Variants in CDYL2 observed in about 807,000 individuals in gnomAD.
CDYL2 encodes chromodomain Y like 2.
In CDYL2, 23 loss-of-function variants were observed where a neutral mutation model predicts 49.4. The observed-to-expected ratio is 0.47, with a 90% CI of 0.34 to 0.66. CDYL2 has a LOEUF of 0.66. Ranked by LOEUF, CDYL2 falls within the 30% of genes least tolerant of loss-of-function variation. The pLI is 0.01. For synonymous variants in CDYL2, 360 were observed against 268.8 expected (o/e 1.34, Z -3.32); for missense variants, 678 against 656.4 (o/e 1.03, Z -0.36).
chr16:80,608,564 C>T (rs1357601500), intron 5 of CDYL2, among the ~76,000 whole-genome samples: 3 of 152,084 alleles, frequency 2.0e-5, no homozygotes, highest in South Asian at 2.1e-4. Flanking sequence ...ATGACCCAGC[C>T]GTGATGACAT....
At chr16:80,619,658 G>A (rs1187541545) in intron 4 of CDYL2, among the ~76,000 whole-genome samples, 1 of 152,206 alleles carries the variant, frequency 6.6e-6, no homozygotes, top group Non-Finnish European at 1.5e-5. Context: ...TGTGGGCACA[G>A]CCAGGAAGCC....
In CDYL2 at chr16:80,633,075, A is replaced by C. The variant is rs757984517; in HGVS notation, c.778T>G (p.Phe260Val). 1.2e-5 allele frequency: 20 copies of C among 1,613,882 alleles called. No individual in the cohort carries two copies. Among genetic ancestry groups the C allele is most frequent in the Non-Finnish European group, 1.7e-5 (20 of 1,179,998 alleles). Residue 260 changes from phenylalanine to valine, a missense_variant, in exon 3 of 7, where the codon TTC (phenylalanine) becomes GTC (valine). By Grantham distance (50) the Phe-to-Val change is conservative. Around this residue, in one of 3 missense-constraint regions of CDYL2, gnomAD observed 478 missense variants for 427.0 expected, o/e 1.12. Transcript: ENST00000570137. ...RDIVVRKEEG[F>V]THILLSSQTS... Reference sequence around the variant, plus strand: ...TGACTGGACAGCAGGATGTGCGTGAACCCTTCTTCCTTCCGCACAACGATG... The same window carrying C: ...TGACTGGACAGCAGGATGTGCGTGACCCCTTCTTCCTTCCGCACAACGATG...
rs374737679 is a variant in CDYL2, at chr16:80,778,063, T to C, written c.24+26087A>G. On this transcript the variant is annotated intron_variant, in intron 1 of 6. Transcript: ENST00000570137. ...TATCTAGTGATAATGGGGAAGAGTA[T>C]ACGATCACTCCAGTAAGTATCAAAA... 2.6e-5 allele frequency among the ~76,000 whole-genome samples: 4 copies of C among 152,186 alleles called. No homozygotes were observed. The South Asian group carries it at 6.2e-4, about 24-fold the overall frequency.
chr16:80,746,219 G>C (rs1329189773), intron 1 of CDYL2, among the ~76,000 whole-genome samples: 1 of 152,148 alleles, frequency 6.6e-6, no homozygotes, highest in Middle Eastern at 3.2e-3. Context: ...CAAATGATGG[G>C]GGACTAAAAT....
intron 2 of CDYL2, among the ~76,000 whole-genome samples, chr16:80,677,248 G>A (rs1909788936): frequency 1.3e-5 from 2 of 152,028 alleles, no homozygotes; most frequent in South Asian, 4.1e-4. Context: ...TGGGATTACA[G>A]GCATGAGCCA....
chr16:80,802,022 T>C (rs1907941045), intron 1 of CDYL2, among the ~76,000 whole-genome samples: 1 of 145,950 alleles, frequency 6.9e-6, no homozygotes. Flanking sequence ...ACAGAAGTAA[T>C]TATTATTATT....
At chr16:80,765,968 G>C (rs535730103) in intron 1 of CDYL2, among the ~76,000 whole-genome samples, 3 of 149,944 alleles carry the variant, frequency 2.0e-5, no homozygotes, top group Non-Finnish European at 3.0e-5. Flanking sequence ...GAAGAAACCA[G>C]TCTTCTATTG....
At chr16:80,639,700 A>G (rs1364419573) in intron 2 of CDYL2, 5 of 455,968 alleles carry the variant, frequency 1.1e-5, no homozygotes, top group Non-Finnish European at 1.8e-5. Context: ...TATTGCTGAA[A>G]GAAGCACCGA....
Position 80,630,807 on chromosome 16 carries a change from A to G in CDYL2, c.834+2212T>C, listed in dbSNP as rs546108840. On this transcript the variant is annotated intron_variant, in intron 3 of 6. Transcript: ENST00000570137. ...CCGTAAAAGAACCAGGGTCTATTTCAACCATAATAATAATGCAATCACAAA... is the reference window on the plus strand; with the variant it reads ...CCGTAAAAGAACCAGGGTCTATTTCGACCATAATAATAATGCAATCACAAA... Among the ~76,000 whole-genome samples, 3 of 152,260 alleles carry G rather than the reference A, an allele frequency of 2.0e-5. No homozygotes were observed. The East Asian group carries it at 5.8e-4, about 29-fold the overall frequency.
chr16:80,710,433 T>C (rs918819941), intron 1 of CDYL2, among the ~76,000 whole-genome samples: 3 of 152,178 alleles, frequency 2.0e-5, no homozygotes, highest in South Asian at 2.1e-4. Flanking sequence ...AAGGACATAA[T>C]TGAATAAGAA....
chr16:80,637,002 A>G (rs1907859609), intron 2 of CDYL2, among the ~76,000 whole-genome samples: 1 of 152,120 alleles, frequency 6.6e-6, no homozygotes, highest in Non-Finnish European at 1.5e-5. Context: ...GAGTTGAACA[A>G]TGAGAACACA....
chr16:80,653,757 T>A (rs996583996), intron 2 of CDYL2, among the ~76,000 whole-genome samples: 2 of 152,240 alleles, frequency 1.3e-5, no homozygotes, highest in Non-Finnish European at 2.9e-5. Context: ...ATTAAGTTCA[T>A]TAAAAATGAT....
intron 2 of CDYL2, chr16:80,662,744 C>G (rs1311849302): frequency 6.6e-6 from 3 of 455,798 alleles, no homozygotes; most frequent in Non-Finnish European, 1.3e-5. Flanking sequence ...ATAACTCTAA[C>G]CACCTGTGGC....
intron 1 of CDYL2, among the ~76,000 whole-genome samples, chr16:80,710,901 T>C (rs149953754): frequency 3.3e-4 from 50 of 152,340 alleles, no homozygotes; most frequent in African/African-American, 1.2e-3. Flanking sequence ...TATTTCGAGA[T>C]GTGAAGGAAG....
chr16:80,684,942 T>G lies in CDYL2; in HGVS notation c.212A>C (p.Gln71Pro), dbSNP rs1327395969. 2.5e-6 allele frequency: 4 copies of G among 1,614,104 alleles called. No individual in the cohort carries two copies. The highest frequency in any genetic ancestry group is 8.5e-7 in the Non-Finnish European group (1 of 1,180,050). The change falls in exon 2 of 7, where the codon CAG becomes CCG. Residue 71 changes from glutamine (Q) to proline (P), a missense_variant. Around this residue, in one of 3 missense-constraint regions of CDYL2, gnomAD observed 478 missense variants for 427.0 expected, o/e 1.12. Coordinates refer to ENST00000570137, the MANE Select transcript of CDYL2 (RefSeq NM_152342.4). ...ACGCAGCAGCTTGGAGGTACTGGAC[T>G]GCTTCCCTGACTTGATCCTCTTGTC... ...SKDKRIKSGK[Q>P]SSTSKLLRDS...
chr16:80,612,877 C>T lies in CDYL2; in HGVS notation c.1008-41G>A, dbSNP rs768717900. On this transcript the variant is annotated intron_variant, in intron 4 of 6. Coordinates refer to ENST00000570137, the MANE Select transcript of CDYL2 (RefSeq NM_152342.4). This position sits in a 1 kb window ranked among gnomAD's most constrained non-coding sequence, Gnocchi z 5.0. ...GATCCTCTTGAACAGGTGACTATAG[C>T]ATGCTAAGCCCCACTGGAACCCTTG... The T allele has an allele frequency of 6.5e-7, 1 of 1,529,386 alleles. No homozygotes were observed. Among genetic ancestry groups the T allele is most frequent in the Non-Finnish European group, 8.8e-7 (1 of 1,130,178 alleles). 94.7% of individuals were successfully genotyped at this position (1,529,386 alleles called of 1,614,324 possible). A position where few individuals can be genotyped will look rare whatever the true frequency, so the allele number is the denominator to read the frequency against.
intron 1 of CDYL2, among the ~76,000 whole-genome samples, chr16:80,749,656 C>T (rs970608868): frequency 5.9e-5 from 9 of 152,072 alleles, no homozygotes; most frequent in Non-Finnish European, 1.3e-4. Context: ...ACAACAACTC[C>T]AACACATACC....
At chr16:80,689,010 C>T (rs1412620371) in intron 1 of CDYL2, among the ~76,000 whole-genome samples, 1 of 152,192 alleles carries the variant, frequency 6.6e-6, no homozygotes, top group Non-Finnish European at 1.5e-5. Flanking sequence ...CTTGCTTTAC[C>T]TGAAGCTCAG....
At chr16:80,660,907 G>C (rs1909014070) in intron 2 of CDYL2, among the ~76,000 whole-genome samples, 1 of 152,152 alleles carries the variant, frequency 6.6e-6, no homozygotes, top group Admixed American at 6.5e-5. Flanking sequence ...CAGAAGGAAA[G>C]ATAGAAACTT....
Sources: gnomAD v4.1 joint callset for allele counts (sites outside exome capture counted in the v4.1 genomes callset) on GRCh38, gnomAD v4.1.1 for gene constraint, gnomAD v4.1.1 regional missense constraint, Gnocchi (gnomAD v3.1) non-coding constraint, MANE v1.5 for transcripts, NCBI Gene and HGNC (gene_info 2026-07-23, HGNC 2026-07-21) for gene names.